SMYD3: variants seen among roughly 807,000 people sequenced by gnomAD.
SMYD3 encodes SET and MYND domain containing 3, also known as histone-lysine N-methyltransferase SMYD3.
A neutral mutation model predicts 57.7 loss-of-function variants in SMYD3; 36 were observed. The ratio of observed to expected loss-of-function variants is 0.62; its 90% CI spans 0.48 to 0.82. The LOEUF is 0.82. Among genes scored for constraint, SMYD3 ranks in the 40% least tolerant of loss-of-function variants. SMYD3 has a pLI of 0.00. For missense variants in SMYD3, 515 were observed against 538.8 expected (o/e 0.96, Z 0.44); for synonymous variants, 211 against 195.0 (o/e 1.08, Z -0.68).
intron 5 of SMYD3, among the ~76,000 whole-genome samples, chr1:246,029,233 T>C (rs2059625692): frequency 6.6e-6 from 1 of 152,194 alleles, no homozygotes; most frequent in Non-Finnish European, 1.5e-5. Context: ...AAAAGGTTTC[T>C]GTACAGCAAA....
chr1:245,750,690 TA>T (rs2045306596), intron 11 of SMYD3, among the ~76,000 whole-genome samples: 1 of 108,310 alleles, frequency 9.2e-6, no homozygotes, highest in Admixed American at 1.5e-4. Context: ...AAATAAGAGA[TA>T]AGCAATATTA....
At chr1:246,288,833 C>G (rs549879850) in intron 5 of SMYD3, among the ~76,000 whole-genome samples, 2 of 152,242 alleles carry the variant, frequency 1.3e-5, no homozygotes, top group South Asian at 4.1e-4. Context: ...AAAAGCCTGG[C>G]CAGGCACGGT....
intron 5 of SMYD3, among the ~76,000 whole-genome samples, chr1:246,137,915 T>A (rs2061688088): frequency 6.6e-6 from 1 of 152,072 alleles, no homozygotes; most frequent in Non-Finnish European, 1.5e-5. Context: ...AAAAAGGAAA[T>A]CTCCAAATTC....
chr1:245,875,836 A>C (rs1418436938), intron 8 of SMYD3, among the ~76,000 whole-genome samples: 2 of 152,164 alleles, frequency 1.3e-5, no homozygotes, highest in Non-Finnish European at 2.9e-5. Flanking sequence ...TCTGAAAGTA[A>C]GATTTTAAGG....
At chr1:245,750,661 T>C (rs2045305529) in intron 11 of SMYD3, among the ~76,000 whole-genome samples, 1 of 147,312 alleles carries the variant, frequency 6.8e-6, no homozygotes. Context: ...CAGAGTATCC[T>C]TGAAAATATT....
chr1:246,074,676 T>C (rs555544540), intron 5 of SMYD3, among the ~76,000 whole-genome samples: 3 of 152,308 alleles, frequency 2.0e-5, no homozygotes, highest in East Asian at 3.9e-4. Context: ...GATAGAAATC[T>C]GCAGCTTCTT....
At chr1:246,362,636 T>C (rs1303296436) in intron 1 of SMYD3, among the ~76,000 whole-genome samples, 4 of 152,264 alleles carry the variant, frequency 2.6e-5, no homozygotes, top group East Asian at 1.9e-4. Flanking sequence ...GGTTTTCGTA[T>C]TTTTTTGGTG....
intron 5 of SMYD3, among the ~76,000 whole-genome samples, chr1:246,049,201 G>A (rs184820128): frequency 2.8e-4 from 42 of 152,246 alleles, no homozygotes; most frequent in African/African-American, 8.9e-4. Context: ...GACAATAAAC[G>A]ACTCTGTGCT....
intron 5 of SMYD3, among the ~76,000 whole-genome samples, chr1:246,267,440 G>A (rs1455744005): frequency 6.6e-6 from 1 of 152,132 alleles, no homozygotes; most frequent in Non-Finnish European, 1.5e-5. Flanking sequence ...CCAGTCCATA[G>A]GCACATCCTT....
At chr1:245,834,955 T>C (rs1287316126) in intron 10 of SMYD3, among the ~76,000 whole-genome samples, 1 of 152,090 alleles carries the variant, frequency 6.6e-6, no homozygotes, top group East Asian at 1.9e-4. Flanking sequence ...ACATGGGCCT[T>C]TTCCATTATA....
At chr1:246,171,504 G>A (rs1030772785) in intron 5 of SMYD3, among the ~76,000 whole-genome samples, 7 of 152,098 alleles carry the variant, frequency 4.6e-5, no homozygotes, top group African/African-American at 9.7e-5. Flanking sequence ...TTCATTGTTA[G>A]GTGATTTTGT....
intron 10 of SMYD3, among the ~76,000 whole-genome samples, chr1:245,814,844 G>GCACACACA (rs1286772664): frequency 6.8e-6 from 1 of 146,576 alleles, no homozygotes; most frequent in Admixed American, 6.8e-5. Flanking sequence ...GCACACACAT[G>GCACACACA]CACGCACACA....
intron 11 of SMYD3, among the ~76,000 whole-genome samples, chr1:245,755,192 G>A (rs1264037960): frequency 2.0e-5 from 3 of 152,204 alleles, no homozygotes; most frequent in African/African-American, 4.8e-5. Flanking sequence ...GCTACAAGGC[G>A]TGGATTTGGT....
chr1:246,431,222 A>G (rs1366203250), intron 1 of SMYD3, among the ~76,000 whole-genome samples: 8 of 152,348 alleles, frequency 5.3e-5, no homozygotes, highest in African/African-American at 1.9e-4. Flanking sequence ...TAATCAAAAA[A>G]AAGAAAAAAA....
At chr1:245,955,523 G>A (rs7540018) in intron 5 of SMYD3, among the ~76,000 whole-genome samples, 148,583 of 152,288 alleles carry the variant, frequency 0.98, 72,563 homozygotes, top group East Asian at 1. Context: ...TTTAGGATCC[G>A]GCTTAAATGT....
chr1:245,974,450 C>G (rs2148040513), intron 5 of SMYD3, among the ~76,000 whole-genome samples: 1 of 152,314 alleles, frequency 6.6e-6, no homozygotes, highest in African/African-American at 2.4e-5. Context: ...TCCTACATCT[C>G]CTATGCCAAC....
chr1:246,215,699 G>C (rs116146431), intron 5 of SMYD3, among the ~76,000 whole-genome samples: 3,452 of 152,144 alleles, frequency 0.023, 72 homozygotes, highest in Non-Finnish European at 0.036. Context: ...AGGGGCCAGC[G>C]GAACTCAACT....
chr1:246,011,183 T>C (rs1408950757), intron 5 of SMYD3, among the ~76,000 whole-genome samples: 1 of 152,152 alleles, frequency 6.6e-6, no homozygotes, highest in Non-Finnish European at 1.5e-5. Context: ...GAATTCCCCA[T>C]TTCATAGATG....
intron 5 of SMYD3, among the ~76,000 whole-genome samples, chr1:245,942,488 T>TA (rs1463503835): frequency 6.6e-6 from 1 of 152,172 alleles, no homozygotes; most frequent in African/African-American, 2.4e-5. Flanking sequence ...AACAAGTTCT[T>TA]AGAGACCTAC....
Sources: allele counts gnomAD v4.1 joint callset (sites outside exome capture counted in the v4.1 genomes callset), GRCh38; gene constraint gnomAD v4.1.1; transcripts MANE v1.5; gene names NCBI Gene and HGNC (gene_info 2026-07-23, HGNC 2026-07-21).